MTUS2: variants seen among roughly 807,000 people sequenced by gnomAD.
MTUS2 encodes microtubule-associated tumor suppressor candidate 2.
Under a neutral mutation model 114.1 loss-of-function variants are expected in MTUS2, and 40 were observed. The ratio of observed to expected loss-of-function variants is 0.35; its 90% CI spans 0.27 to 0.46. The LOEUF is 0.46. MTUS2 is among the 20% of genes least tolerant of loss of function. MTUS2 has a pLI of 1.00. For synonymous variants in MTUS2, 688 were observed against 672.0 expected (o/e 1.02, Z -0.37); for missense variants, 1,679 against 1,705.4 (o/e 0.98, Z 0.27).
chr13:28,894,329 GGAGAGA>G lies in MTUS2; in HGVS notation c.-243+54495_-243+54500del, dbSNP rs781653092. ...GGGGGGGGGGGAGGGAGGGAGGGAG[GGAGAGA>G]GAGAGAGAGAGAGAGTGAGAGTGAG... On this transcript the variant is annotated intron_variant, in intron 2 of 15. Coordinates refer to ENST00000612955, the MANE Select transcript of MTUS2 (RefSeq NM_001033602.4). 3.3e-4 allele frequency among the ~76,000 whole-genome samples: 20 copies of G among 60,870 alleles called. 2 individuals carry two copies. The highest frequency in any genetic ancestry group is 1.5e-3 in the African/African-American group (13 of 8,882). 39.9% of individuals were successfully genotyped at this position (60,870 alleles called of 152,430 possible).
At chr13:29,159,997 T>G (rs188123412) in intron 5 of MTUS2, among the ~76,000 whole-genome samples, 23 of 152,360 alleles carry the variant, frequency 1.5e-4, no homozygotes, top group Admixed American at 1.5e-3. Context: ...CCCAGGCATT[T>G]ATCCCAGAGC....
At chr13:28,902,545 T>C (rs903605770) in intron 2 of MTUS2, among the ~76,000 whole-genome samples, 1 of 152,046 alleles carries the variant, frequency 6.6e-6, no homozygotes, top group African/African-American at 2.4e-5. Context: ...CATGAGTGGG[T>C]GTTGGATTTT....
chr13:28,902,971 T>A (rs1053985341), intron 2 of MTUS2, among the ~76,000 whole-genome samples: 10 of 152,172 alleles, frequency 6.6e-5, no homozygotes, highest in African/African-American at 1.9e-4. Flanking sequence ...TTGGGAGGTT[T>A]TTACCTGATG....
intron 6 of MTUS2, among the ~76,000 whole-genome samples, chr13:29,309,798 G>T (rs534992700): frequency 6.6e-6 from 1 of 152,076 alleles, no homozygotes; most frequent in South Asian, 2.1e-4. Flanking sequence ...GTACATAGTA[G>T]GTGTATATAT....
At position 28,958,629 on chromosome 13, in the gene MTUS2, A is replaced by G. The variant is rs113639160; in HGVS notation, c.-242-65828A>G. Among the ~76,000 whole-genome samples the G allele has an allele frequency of 8.9e-3, 1,350 of 152,370 alleles. 15 individuals carry two copies. Among genetic ancestry groups the G allele is most frequent in the African/African-American group, 0.03 (1,236 of 41,584 alleles). The stretch of plus-strand genomic sequence containing the variant: ...GTGTGGAAATTCTCTGGAGGCAGCC[A>G]CATTGACAAGAGCTAGAAGTAGAAA... On this transcript the variant is annotated intron_variant, in intron 2 of 15. Transcript: ENST00000612955.
At chr13:28,826,082 C>T (rs910017072) in intron 1 of MTUS2, among the ~76,000 whole-genome samples, 3 of 151,994 alleles carry the variant, frequency 2.0e-5, no homozygotes, top group African/African-American at 4.8e-5. Context: ...TGTATATATT[C>T]TATATGTTGG....
chr13:29,258,901 G>C (rs1897369088), intron 5 of MTUS2, among the ~76,000 whole-genome samples: 2 of 152,154 alleles, frequency 1.3e-5, no homozygotes, highest in Non-Finnish European at 2.9e-5. Context: ...CCACCACTTA[G>C]TCAAGGAGCT....
intron 7 of MTUS2, among the ~76,000 whole-genome samples, chr13:29,336,427 G>A (rs920682427): frequency 1.3e-5 from 2 of 152,176 alleles, no homozygotes; most frequent in Non-Finnish European, 2.9e-5. Context: ...GAGTTTGCTG[G>A]AGGTCCACTC....
At chr13:29,389,356 T>G (rs1480995074) in intron 8 of MTUS2, among the ~76,000 whole-genome samples, 1 of 75,786 alleles carries the variant, frequency 1.3e-5, no homozygotes, top group Non-Finnish European at 2.8e-5. Context: ...TGTGTGTATA[T>G]ATGTATGCAC....
At chr13:28,863,758 T>C (rs1877133621) in intron 2 of MTUS2, among the ~76,000 whole-genome samples, 1 of 152,182 alleles carries the variant, frequency 6.6e-6, no homozygotes, top group Non-Finnish European at 1.5e-5. Flanking sequence ...ATTGAAATGG[T>C]GTCACCTTTT....
intron 6 of MTUS2, among the ~76,000 whole-genome samples, chr13:29,285,741 G>T (rs952499125): frequency 6.6e-6 from 1 of 152,158 alleles, no homozygotes; most frequent in Non-Finnish European, 1.5e-5. Context: ...TGGGGAAAAT[G>T]AAGAGGGCAT....
intron 10 of MTUS2, among the ~76,000 whole-genome samples, chr13:29,481,651 T>G (rs1881192654): frequency 7.1e-6 from 1 of 141,230 alleles, no homozygotes; most frequent in Non-Finnish European, 1.6e-5. Flanking sequence ...GCCCTCCCAC[T>G]GCCCCAGAAG....
chr13:28,939,000 A>G (rs1195697276), intron 2 of MTUS2, among the ~76,000 whole-genome samples: 1 of 152,204 alleles, frequency 6.6e-6, no homozygotes, highest in African/African-American at 2.4e-5. Flanking sequence ...TCTGCTTCAC[A>G]TTTCTAGACT....
intron 7 of MTUS2, among the ~76,000 whole-genome samples, chr13:29,330,992 T>C (rs894654294): frequency 1.3e-5 from 2 of 152,320 alleles, no homozygotes; most frequent in Admixed American, 6.5e-5. Flanking sequence ...GGTAGCTTGA[T>C]GGGGATAGCA....
In MTUS2 at chr13:29,496,760, T is replaced by G. The variant is rs1882579706; in HGVS notation, c.3580-478T>G. 6.6e-6 allele frequency among the ~76,000 whole-genome samples: 1 copy of G among 151,864 alleles called. No homozygotes were observed. Among genetic ancestry groups the G allele is most frequent in the South Asian group, 2.1e-4 (1 of 4,806 alleles). On this transcript the variant is annotated intron_variant, in intron 12 of 15. Transcript: ENST00000612955. The surrounding 1 kb of genome is among the most constrained non-coding windows in gnomAD (Gnocchi z 4.3). ...CAGGAGTTGATTATGGACTTGGTGA[T>G]TAGAAGGTTTGTTGATGTGGGAGGG...
At chr13:28,863,983 A>T (rs1334735357) in intron 2 of MTUS2, among the ~76,000 whole-genome samples, 1 of 152,190 alleles carries the variant, frequency 6.6e-6, no homozygotes, top group Non-Finnish European at 1.5e-5. Flanking sequence ...GGCACGAGTC[A>T]CTGCGCTCAG....
At chr13:29,374,446 A>G (rs1358559807) in intron 8 of MTUS2, among the ~76,000 whole-genome samples, 2 of 152,274 alleles carry the variant, frequency 1.3e-5, no homozygotes, top group African/African-American at 2.4e-5. Context: ...AAGCAGTCAA[A>G]GAAAAATTAC....
intron 5 of MTUS2, among the ~76,000 whole-genome samples, chr13:29,137,876 A>G (rs945355008): frequency 3.3e-5 from 5 of 151,740 alleles, no homozygotes; most frequent in African/African-American, 9.7e-5. Context: ...TTGCAGTTGA[A>G]TGTCCTAATC....
intron 5 of MTUS2, among the ~76,000 whole-genome samples, chr13:29,210,445 T>C (rs1895377038): frequency 1.3e-5 from 2 of 152,276 alleles, no homozygotes; most frequent in South Asian, 4.1e-4. Flanking sequence ...GATTTCTCCT[T>C]GGTTTGGCTC....
Sources: allele counts gnomAD v4.1 joint callset (sites outside exome capture counted in the v4.1 genomes callset), GRCh38; gene constraint gnomAD v4.1.1; non-coding constraint Gnocchi (gnomAD v3.1); transcripts MANE v1.5; gene names NCBI Gene and HGNC (gene_info 2026-07-23, HGNC 2026-07-21).